ERCC8: variants seen among roughly 807,000 people sequenced by gnomAD.
ERCC8 encodes the protein ERCC excision repair 8, CSA ubiquitin ligase complex subunit, also known as DNA excision repair protein ERCC-8.
ERCC8 carries 52 observed loss-of-function variants against 54.9 expected under a neutral mutation model. The observed-to-expected ratio is 0.95, with a 90% CI of 0.76 to 1.19. ERCC8 has a LOEUF of 1.19. Ranked by LOEUF, ERCC8 falls within the 50% of genes most tolerant of loss-of-function variation. ERCC8 has a pLI of 0.00. For missense variants in ERCC8, 514 were observed against 466.1 expected, an observed-to-expected ratio of 1.10 and a Z score of -0.95; for synonymous variants, 146 against 157.2, an observed-to-expected ratio of 0.93 and a Z score of 0.53.
intron 11 of ERCC8, among the ~76,000 whole-genome samples, chr5:60,881,342 AG>A (rs1458813383): frequency 6.6e-6 from 1 of 152,186 alleles, no homozygotes; most frequent in Non-Finnish European, 1.5e-5. Context: ...GTCTGTTCTC[AG>A]ATCTCCAGCT....
At chr5:60,914,601 G>C (rs74811299) in intron 4 of ERCC8, among the ~76,000 whole-genome samples, 1 of 151,778 alleles carries the variant, frequency 6.6e-6, no homozygotes, top group Non-Finnish European at 1.5e-5. Flanking sequence ...ACCAGCCTGG[G>C]CAAGACAGAG....
intron 11 of ERCC8, 58 bp downstream of exon 11, chr5:60,887,381 CA>C (rs1748425195): frequency 1.4e-6 from 2 of 1,393,686 alleles, no homozygotes; most frequent in Admixed American, 3.4e-5. Context: ...CATAAAGTAA[CA>C]AAACATTATT....
chr5:60,938,080 TA>T (rs1561519118), intron 1 of ERCC8, among the ~76,000 whole-genome samples: 10 of 24,264 alleles, frequency 4.1e-4, no homozygotes, highest in African/African-American at 1.1e-3. Context: ...TATATATATA[TA>T]TATATTTTAT....
At position 60,899,713 on chromosome 5, in the gene ERCC8, A is replaced by T. The variant is rs774200185; in HGVS notation, c.632T>A (p.Val211Glu). The T allele has an allele frequency of 7.4e-6, 12 of 1,610,782 alleles. No homozygotes were observed. Among genetic ancestry groups the T allele is most frequent in the Non-Finnish European group, 1.0e-5 (12 of 1,177,712 alleles). The change falls in exon 8 of 12, where the codon GTA (valine) becomes GAA (glutamate). Residue 211 changes from valine to glutamate, a missense_variant. Transcript: ENST00000676185. ...TGCTCTTCTCACATCCCATAATTTT[A>T]CTCTACTGTCAGCACTGAGAAGAAA... ...ILATASADSR[V>E]KLWDVRRASG... is the part of the protein sequence containing the mutation.
Position 60,882,970 on chromosome 5 carries a change from AACACACAC to A in ERCC8, c.1122+4462_1122+4469del, listed in dbSNP as rs10550173. ...TAACTACCAAAAATAGCCCTGGGAA[AACACACAC>A]ACACACACACACACACACACACACA... On this transcript the variant is annotated intron_variant, in intron 11 of 11. Transcript: ENST00000676185. Among the ~76,000 whole-genome samples the A allele has an allele frequency of 1.2e-4, 17 of 144,830 alleles. No individual in the cohort carries two copies. The South Asian group carries it at 3.3e-3, about 29-fold the overall frequency.
chr5:60,900,558 C>A (rs1748847287), intron 7 of ERCC8: 1 of 151,908 alleles, frequency 6.6e-6, no homozygotes, highest in Non-Finnish European at 1.5e-5. Flanking sequence ...AAAATATACA[C>A]ACAAGGTTTA....
At chr5:60,878,885 C>G (rs973284383) in intron 11 of ERCC8, among the ~76,000 whole-genome samples, 31 of 152,126 alleles carry the variant, frequency 2.0e-4, no homozygotes, top group Admixed American at 1.8e-3. Context: ...CTGCTCTGAC[C>G]TTAGTTATTT....
At chr5:60,882,732 C>A (rs1748274920) in intron 11 of ERCC8, among the ~76,000 whole-genome samples, 2 of 152,122 alleles carry the variant, frequency 1.3e-5, no homozygotes. Context: ...TGATTTCTAG[C>A]CACGGTACAC....
intron 3 of ERCC8, 116 bp from the exon 4 acceptor site, chr5:60,918,504 T>A: frequency 5.9e-6 from 5 of 841,804 alleles, no homozygotes; most frequent in Non-Finnish European, 9.9e-6. Flanking sequence ...CAAACCGAGA[T>A]CACATGCCTG....
chr5:60,888,387 G>A (rs1313874705), intron 10 of ERCC8, among the ~76,000 whole-genome samples: 1 of 152,086 alleles, frequency 6.6e-6, no homozygotes, highest in Non-Finnish European at 1.5e-5. Context: ...ACTAACTGTG[G>A]CTGATGCAAA....
At chr5:60,944,698 C>CG (rs1350435292) in intron 1 of ERCC8, among the ~76,000 whole-genome samples, 1 of 142,060 alleles carries the variant, frequency 7.0e-6, no homozygotes, top group African/African-American at 2.6e-5. Context: ...CCTGAGCCCG[C>CG]GGGGGAACCC....
intron 7 of ERCC8, 137 bp from the exon 8 acceptor site, chr5:60,899,864 C>A: frequency 3.1e-6 from 2 of 642,538 alleles, no homozygotes; most frequent in South Asian, 3.7e-5. Context: ...GGTTGTTGAA[C>A]TTTTGCCTTT....
At chr5:60,936,399 T>C (rs981311277) in intron 1 of ERCC8, among the ~76,000 whole-genome samples, 14 of 152,210 alleles carry the variant, frequency 9.2e-5, no homozygotes, top group African/African-American at 2.9e-4. Context: ...TTACCAGATC[T>C]TCTCTCTTCT....
intron 1 of ERCC8, among the ~76,000 whole-genome samples, chr5:60,941,627 A>G (rs1210998020): frequency 6.6e-6 from 1 of 152,236 alleles, no homozygotes; most frequent in East Asian, 1.9e-4. Context: ...CAGACACATC[A>G]TAATTAAACT....
chr5:60,907,355 CT>C (rs34477732), intron 4 of ERCC8: 107 of 131,350 alleles, frequency 8.1e-4, no homozygotes, highest in African/African-American at 8.6e-4. Flanking sequence ...AAACATGATT[CT>C]TTTTTTTTTT....
Position 60,877,044 on chromosome 5 carries a change from A to G in ERCC8, c.1123-2361T>C, listed in dbSNP as rs548651131. On this transcript the variant is annotated intron_variant, in intron 11 of 11. Coordinates refer to ENST00000676185, the MANE Select transcript of ERCC8 (RefSeq NM_000082.4). ...ACATTTAAGTCTTAATCCATCTTGA[A>G]TTGATTTTTGTATAAGGTGTAAGGA... Among the ~76,000 whole-genome samples the G allele has an allele frequency of 4.5e-4, 69 of 152,278 alleles. No individual in the cohort carries two copies. In the South Asian group the frequency reaches 5.0e-3, roughly 11 times the overall value.
chr5:60,941,155 A>AT (rs1288644869), intron 1 of ERCC8, among the ~76,000 whole-genome samples: 4 of 152,226 alleles, frequency 2.6e-5, no homozygotes, highest in African/African-American at 9.6e-5. Context: ...ATCTCTAAAA[A>AT]TAAAAAAAAA....
In ERCC8 at chr5:60,870,482, TAAAAAAAA is replaced by T. The variant is rs57423118; in HGVS notation, c.*4125_*4132del. Among the ~76,000 whole-genome samples, 1 of 48,806 alleles carries T rather than the reference TAAAAAAAA, an allele frequency of 2.0e-5. No homozygotes were observed. The highest frequency in any genetic ancestry group is 3.4e-5 in the Non-Finnish European group (1 of 29,344). 32.0% of individuals were successfully genotyped at this position (48,806 alleles called of 152,430 possible). On this transcript the variant is annotated 3_prime_UTR_variant, in exon 12 of 12. Transcript: ENST00000676185. ...CAACATGGTGAAACCCCACCTCTGC[TAAAAAAAA>T]AAAAAAAAAAAAAAAAAAAAAATTA...
chr5:60,908,810 G>A (rs1349065607), intron 4 of ERCC8, among the ~76,000 whole-genome samples: 1 of 151,988 alleles, frequency 6.6e-6, no homozygotes, highest in Non-Finnish European at 1.5e-5. Context: ...GAACCATTAT[G>A]AAAAAAGAAA....
Sources: allele counts gnomAD v4.1 joint callset (sites outside exome capture counted in the v4.1 genomes callset), GRCh38; gene constraint gnomAD v4.1.1; transcripts MANE v1.5; gene names NCBI Gene and HGNC (gene_info 2026-07-23, HGNC 2026-07-21).